Variants in ERC1 observed in about 807,000 individuals in gnomAD.
The protein encoded by ERC1 is ELKS/RAB6-interacting/CAST family member 1.
Under a neutral mutation model 132.0 loss-of-function variants are expected in ERC1, and 56 were observed. The ratio of observed to expected loss-of-function variants is 0.42; its 90% confidence interval spans 0.34 to 0.53. ERC1 has a LOEUF of 0.53. Ranked by LOEUF, ERC1 falls within the 20% of genes least tolerant of loss-of-function variation. The probability of loss-of-function intolerance (pLI) is 0.03; values close to 1 mark genes in which losing one functional copy is unlikely to be tolerated. For missense variants in ERC1, 1,202 were observed against 1,349.9 expected (o/e 0.89, Z 1.72); for synonymous variants, 478 against 476.1 (o/e 1.00, Z -0.05).
chr12:1,017,706 C>A (rs148052927), intron 1 of ERC1, among the ~76,000 whole-genome samples: 31 of 151,744 alleles, frequency 2.0e-4, no homozygotes, highest in African/African-American at 7.3e-4. Flanking sequence ...ACCATATTGG[C>A]CAGGCTGGCC....
intron 1 of ERC1, among the ~76,000 whole-genome samples, chr12:1,007,383 G>A (rs913780388): frequency 6.6e-6 from 1 of 152,112 alleles, no homozygotes; most frequent in Non-Finnish European, 1.5e-5. Flanking sequence ...TCCCACTAAA[G>A]CCTAAAAACT....
chr12:1,422,914 T>TC, intron 17 of ERC1, among the ~76,000 whole-genome samples: 1 of 152,362 alleles, frequency 6.6e-6, no homozygotes, highest in South Asian at 2.1e-4. Flanking sequence ...TGGTGTGTGA[T>TC]GGTATCTCAT....
rs1484809497 is a variant in ERC1 at position 1,182,036 on chromosome 12, C to T, written c.1987C>T (p.Leu663=). 1.2e-6 allele frequency: 2 copies of T among 1,613,938 alleles called. No individual in the cohort carries two copies. The highest frequency in any genetic ancestry group is 1.7e-6 in the Non-Finnish European group (2 of 1,179,922). Residue 663 remains leucine, a synonymous_variant, in exon 10 of 19, where the codon CTG becomes TTG. Coordinates refer to ENST00000360905, the MANE Select transcript of ERC1 (RefSeq NM_178040.4). Reference sequence around the variant, plus strand: ...TAAAGACTTGAAGGAAAAAGTCAGCCTGTTGCAAGGCGACCTTTCAGAGAA... The same window carrying T: ...TAAAGACTTGAAGGAAAAAGTCAGCTTGTTGCAAGGCGACCTTTCAGAGAA... ...DLKDLKEKVS[L]LQGDLSEKEA... is the part of the protein sequence containing the mutation.
intron 12 of ERC1, among the ~76,000 whole-genome samples, chr12:1,232,998 C>T (rs2075157693): frequency 6.6e-6 from 1 of 151,938 alleles, no homozygotes; most frequent in African/African-American, 2.4e-5. Context: ...GTTTATATGC[C>T]AGCAAATAGC....
intron 15 of ERC1, among the ~76,000 whole-genome samples, chr12:1,321,541 A>G (rs1340506284): frequency 6.6e-6 from 1 of 152,114 alleles, no homozygotes; most frequent in East Asian, 1.9e-4. Context: ...TTAAAGGCAA[A>G]ATGGCTTCAC....
At chr12:1,484,878 G>A (rs7312967) in intron 18 of ERC1, among the ~76,000 whole-genome samples, 63,710 of 149,362 alleles carry the variant, frequency 0.43, 13,743 homozygotes, top group African/African-American at 0.48. Context: ...CCACCGTGCT[G>A]GGTCTTGTTT....
At chr12:1,112,171 C>T in intron 5 of ERC1, 44 bp from the exon 6 acceptor site, 1 of 1,359,550 alleles carries the variant, frequency 7.4e-7, no homozygotes, top group South Asian at 1.2e-5. Context: ...AGAAGAAGAC[C>T]TAAGTTGACA....
At chr12:1,216,663 A>G (rs976890400) in intron 12 of ERC1, among the ~76,000 whole-genome samples, 3 of 150,766 alleles carry the variant, frequency 2.0e-5, no homozygotes, top group Admixed American at 6.6e-5. Context: ...GTACAAAAAC[A>G]CTTTTCAGCT....
chr12:1,157,095 A>G (rs916761299), intron 8 of ERC1, among the ~76,000 whole-genome samples: 2 of 151,932 alleles, frequency 1.3e-5, no homozygotes, highest in East Asian at 3.9e-4. Flanking sequence ...TGCCAAAGTC[A>G]TTTTCATTTT....
chr12:1,202,520 G>A (rs61914327), intron 12 of ERC1, among the ~76,000 whole-genome samples: 30,074 of 151,990 alleles, frequency 0.2, 3,521 homozygotes, highest in Non-Finnish European at 0.27. Context: ...AGCCAGTTGT[G>A]GTGGTGTTTG....
chr12:1,277,584 A>G (rs779170380), intron 14 of ERC1, among the ~76,000 whole-genome samples: 2 of 152,216 alleles, frequency 1.3e-5, no homozygotes, highest in Non-Finnish European at 2.9e-5. Context: ...TCTGTGAGAC[A>G]TTCTTGAAAT....
At chr12:1,165,328 T>C (rs1464027172) in intron 8 of ERC1, among the ~76,000 whole-genome samples, 2 of 151,362 alleles carry the variant, frequency 1.3e-5, no homozygotes, top group South Asian at 4.2e-4. Flanking sequence ...TTTTTTGAGA[T>C]GGAGTCTCGC....
chr12:1,276,168 C>T (rs934439623), intron 14 of ERC1, among the ~76,000 whole-genome samples: 2 of 152,026 alleles, frequency 1.3e-5, no homozygotes, highest in Non-Finnish European at 2.9e-5. Context: ...CTACTTCTTC[C>T]ATAAAACCTT....
chr12:1,217,064 C>T (rs529005578), intron 12 of ERC1, among the ~76,000 whole-genome samples: 2 of 152,286 alleles, frequency 1.3e-5, no homozygotes, highest in East Asian at 1.9e-4. Flanking sequence ...AAAAGTGCTC[C>T]GTGCTTTCCT....
intron 2 of ERC1, among the ~76,000 whole-genome samples, chr12:1,074,238 G>A (rs544093900): frequency 3.0e-4 from 46 of 152,144 alleles, no homozygotes; most frequent in African/African-American, 8.9e-4. Context: ...TGACTGAAAC[G>A]TCATGTGGTG....
intron 11 of ERC1, among the ~76,000 whole-genome samples, chr12:1,188,195 CCTT>C (rs1323866555): frequency 6.6e-6 from 1 of 152,150 alleles, no homozygotes; most frequent in African/African-American, 2.4e-5. Context: ...TATTTCGTCA[CCTT>C]CTTTCTTCGT....
At chr12:1,220,875 C>T (rs1215236974) in intron 12 of ERC1, among the ~76,000 whole-genome samples, 1 of 152,188 alleles carries the variant, frequency 6.6e-6, no homozygotes, top group African/African-American at 2.4e-5. Flanking sequence ...TCACCTGGGC[C>T]TCGTGCCCAT....
At chr12:1,398,924 C>G (rs2090769078) in intron 16 of ERC1, among the ~76,000 whole-genome samples, 2 of 128,936 alleles carry the variant, frequency 1.6e-5, no homozygotes, top group Admixed American at 1.5e-4. Flanking sequence ...ATTTTCTTTT[C>G]TCCTACTTTT....
At chr12:1,451,722 T>A (rs1213815298) in intron 18 of ERC1, among the ~76,000 whole-genome samples, 1 of 152,226 alleles carries the variant, frequency 6.6e-6, no homozygotes, top group Non-Finnish European at 1.5e-5. Context: ...TATGTTTTAT[T>A]TGTATGAGGG....
Sources: allele counts gnomAD v4.1 joint callset (sites outside exome capture counted in the v4.1 genomes callset), GRCh38; gene constraint gnomAD v4.1.1; transcripts MANE v1.5; gene names NCBI Gene and HGNC (gene_info 2026-07-23, HGNC 2026-07-21).